Variants in WDR7 observed in about 807,000 individuals in gnomAD.
WDR7 encodes the protein WD repeat domain 7.
In WDR7, 46 loss-of-function variants were observed where a neutral mutation model predicts 169.4. The observed-to-expected ratio is 0.27, with a 90% confidence interval of 0.21 to 0.35. WDR7 has a LOEUF of 0.35. WDR7 is among the 10% of genes least tolerant of loss of function. The pLI, the probability that WDR7 is intolerant of heterozygous loss-of-function variation, is 1.00. For missense variants in WDR7, 1,534 were observed against 1,859.3 expected, an observed-to-expected ratio of 0.83 and a Z score of 3.22; for synonymous variants, 612 against 666.8, an observed-to-expected ratio of 0.92 and a Z score of 1.27.
rs1400702728 is a variant in WDR7, at chr18:56,752,441, A to G, written c.1990-4142A>G. Among the ~76,000 whole-genome samples, 4 of 152,010 alleles carry G rather than the reference A, an allele frequency of 2.6e-5. No individual in the cohort carries two copies. In the South Asian group the frequency reaches 8.3e-4, roughly 31 times the overall value. ...TTGCGTCCCCTTCTTGTGCCTTGCCATCTCTCTTTATGGCACCATTCATCC... is the reference window on the plus strand; with the variant it reads ...TTGCGTCCCCTTCTTGTGCCTTGCCGTCTCTCTTTATGGCACCATTCATCC... On this transcript the variant is annotated intron_variant, in intron 14 of 27. Transcript: ENST00000254442.
downstream of WDR7, chr18:57,031,298 T>G (rs2048440235): frequency 6.6e-6 from 1 of 152,222 alleles, no homozygotes; most frequent in Non-Finnish European, 1.5e-5. Context: ...AGCAAATTAC[T>G]TATGAAGATA....
rs143350889 is a variant in WDR7 at position 56,912,291 on chromosome 18, G to A, written c.3527-11631G>A. On this transcript the variant is annotated intron_variant, in intron 21 of 27. Coordinates refer to ENST00000254442, the MANE Select transcript of WDR7 (RefSeq NM_015285.3). Reference sequence around the variant, plus strand: ...CTACTTCATTTTTAGTGAGAAATCCGTGTCACATAAACCAGAGACACTCAT... The same window carrying A: ...CTACTTCATTTTTAGTGAGAAATCCATGTCACATAAACCAGAGACACTCAT... Among the ~76,000 whole-genome samples the A allele has an allele frequency of 2.4e-4, 37 of 152,294 alleles. No homozygotes were observed. The East Asian group carries it at 4.8e-3, about 20-fold the overall frequency.
intron 26 of WDR7, among the ~76,000 whole-genome samples, chr18:56,997,630 T>A (rs1413200877): frequency 6.6e-6 from 1 of 152,234 alleles, no homozygotes; most frequent in Non-Finnish European, 1.5e-5. Flanking sequence ...CAGCTTTTTT[T>A]AAAGCCTTTG....
chr18:57,005,229 A>G (rs1222718663), intron 26 of WDR7, among the ~76,000 whole-genome samples: 1 of 152,210 alleles, frequency 6.6e-6, no homozygotes, highest in Non-Finnish European at 1.5e-5. Flanking sequence ...TCATTTCTAA[A>G]CTATAAAAGC....
At chr18:56,923,155 G>C (rs1167746318) in intron 21 of WDR7, among the ~76,000 whole-genome samples, 1 of 152,016 alleles carries the variant, frequency 6.6e-6, no homozygotes, top group Non-Finnish European at 1.5e-5. Flanking sequence ...TTGGCTTTTC[G>C]TAACCCCTGC....
chr18:56,927,326 G>A (rs541771019), intron 22 of WDR7, among the ~76,000 whole-genome samples: 2 of 152,102 alleles, frequency 1.3e-5, no homozygotes, highest in African/African-American at 4.8e-5. Flanking sequence ...GTATTTTCTG[G>A]CTGGGCTTGG....
intron 16 of WDR7, among the ~76,000 whole-genome samples, chr18:56,775,175 A>G (rs2044222156): frequency 6.6e-6 from 1 of 152,138 alleles, no homozygotes; most frequent in South Asian, 2.1e-4. Flanking sequence ...CTCTCATTCT[A>G]TTGTCCTTTC....
At chr18:56,893,623 C>T (rs1458292687) in intron 21 of WDR7, among the ~76,000 whole-genome samples, 1 of 152,076 alleles carries the variant, frequency 6.6e-6, no homozygotes, top group Non-Finnish European at 1.5e-5. Context: ...CTTGTTGCTA[C>T]CCAATTCAAC....
intron 7 of WDR7, among the ~76,000 whole-genome samples, chr18:56,690,290 G>C (rs114218647): frequency 2.6e-5 from 4 of 152,130 alleles, no homozygotes; most frequent in Non-Finnish European, 5.9e-5. Flanking sequence ...GATAATAATT[G>C]TAAAGGTACT....
At chr18:56,716,608 A>G (rs1190407772) in intron 12 of WDR7, among the ~76,000 whole-genome samples, 1 of 152,184 alleles carries the variant, frequency 6.6e-6, no homozygotes, top group Non-Finnish European at 1.5e-5. Context: ...AGCAAATGAG[A>G]CCATTGATAG....
At chr18:56,884,037 G>C (rs2046151468) in intron 21 of WDR7, among the ~76,000 whole-genome samples, 1 of 151,718 alleles carries the variant, frequency 6.6e-6, no homozygotes, top group South Asian at 2.1e-4. Flanking sequence ...CCTATATTGG[G>C]ATTGCTGGAT....
intron 12 of WDR7, among the ~76,000 whole-genome samples, chr18:56,707,003 A>T (rs1240156216): frequency 7.0e-6 from 1 of 142,822 alleles, no homozygotes; most frequent in Non-Finnish European, 1.5e-5. Context: ...TTTTTTTGAG[A>T]GAGAGTCTCA....
intron 14 of WDR7, among the ~76,000 whole-genome samples, chr18:56,742,536 C>T (rs1269665780): frequency 1.3e-5 from 2 of 152,108 alleles, no homozygotes; most frequent in Non-Finnish European, 2.9e-5. Context: ...TTGAATCAGT[C>T]AAGTTCAGTT....
chr18:56,940,418 T>C (rs79221922), intron 25 of WDR7, among the ~76,000 whole-genome samples: 14,016 of 152,236 alleles, frequency 0.092, 984 homozygotes, highest in African/African-American at 0.2. Flanking sequence ...TTCTGATTCA[T>C]GCATCCCAAA....
chr18:56,850,266 T>C (rs1408254064), intron 20 of WDR7, among the ~76,000 whole-genome samples: 1 of 152,242 alleles, frequency 6.6e-6, no homozygotes, highest in Non-Finnish European at 1.5e-5. Context: ...TTTTTATTTA[T>C]TTGTTTACTT....
rs758737107 is a variant in WDR7 at position 56,924,101 on chromosome 18, C to T, written c.3706C>T (p.Leu1236Phe). The T allele has an allele frequency of 2.5e-6, 4 of 1,611,928 alleles. No homozygotes were observed. The highest frequency in any genetic ancestry group is 3.4e-5 in the Admixed American group (2 of 59,448). ...LELCADAEKQLANITMGLPLS... is the reference protein window; with the variant it reads ...LELCADAEKQFANITMGLPLS... ...ACTTTGTGCCGATGCCGAGAAACAACTTGCCAAGTATGTGTGGATTCCGGT... is the reference window on the plus strand; with the variant it reads ...ACTTTGTGCCGATGCCGAGAAACAATTTGCCAAGTATGTGTGGATTCCGGT... Residue 1236 changes from leucine to phenylalanine, a missense_variant, in exon 22 of 28, where the codon CTT becomes TTT. Leu to Phe is a conservative substitution (Grantham distance 22). Coordinates refer to ENST00000254442, the MANE Select transcript of WDR7 (RefSeq NM_015285.3).
intron 22 of WDR7, among the ~76,000 whole-genome samples, chr18:56,927,142 T>A (rs1461549578): frequency 6.6e-6 from 1 of 152,072 alleles, no homozygotes; most frequent in Non-Finnish European, 1.5e-5. Context: ...TTCTTGTGAG[T>A]TTATGAGGGC....
chr18:56,686,003 A>C lies in WDR7; in HGVS notation c.568A>C (p.Ile190Leu). The change falls in exon 6 of 28, where the codon ATT (isoleucine) becomes CTT (leucine). Residue 190 changes from isoleucine to leucine, a missense_variant. Coordinates refer to ENST00000254442, the MANE Select transcript of WDR7 (RefSeq NM_015285.3). ...GGTGACTGGCATCCTGAAGGTCTGG[A>C]TTGTTACCTCGGAAATAAGTGACAT... ...LSVTGILKVW[I>L]VTSEISDMQD... is the part of the protein sequence containing the mutation. 1.3e-6 allele frequency: 2 copies of C among 1,599,046 alleles called. No individual in the cohort carries two copies. Among genetic ancestry groups the C allele is most frequent in the Non-Finnish European group, 1.7e-6 (2 of 1,175,284 alleles).
downstream of WDR7, chr18:57,033,101 A>G (rs1327140584): frequency 1.3e-5 from 2 of 152,034 alleles, no homozygotes; most frequent in Non-Finnish European, 2.9e-5. Flanking sequence ...TGCCAAGCGT[A>G]TGTTCTTTAT....
Sources: gnomAD v4.1 joint callset for allele counts (sites outside exome capture counted in the v4.1 genomes callset) on GRCh38, gnomAD v4.1.1 for gene constraint, MANE v1.5 for transcripts, NCBI Gene and HGNC (gene_info 2026-07-23, HGNC 2026-07-21) for gene names.